The following CREB1 variants were observed in gnomAD, a reference collection of about 807,000 sequenced individuals.
CREB1 encodes cyclic AMP-responsive element-binding protein 1.
Under a neutral mutation model 42.0 loss-of-function variants are expected in CREB1, and 2 were observed. That is an observed-to-expected ratio of 0.05 (90% CI 0.02 to 0.15). CREB1 has a LOEUF of 0.15. Among genes scored for constraint, CREB1 ranks in the 10% least tolerant of loss-of-function variants. The pLI is 1.00. For synonymous variants in CREB1, 123 were observed against 139.9 expected (o/e 0.88, Z 0.85); for missense variants, 199 against 388.9 (o/e 0.51, Z 4.11).
At chr2:207,578,396 G>C (rs1230808794) in intron 7 of CREB1, among the ~76,000 whole-genome samples, 1 of 152,164 alleles carries the variant, frequency 6.6e-6, no homozygotes, top group Non-Finnish European at 1.5e-5. Context: ...GGTTTAAAAA[G>C]TTTGAAATTA....
intron 1 of CREB1, among the ~76,000 whole-genome samples, chr2:207,530,355 T>G (rs1279478539): frequency 6.7e-6 from 1 of 148,808 alleles, no homozygotes; most frequent in Non-Finnish European, 1.5e-5. Flanking sequence ...CGGCAGCGAC[T>G]CTGCCTGCAG....
At chr2:207,530,363 C>CA (rs1374390047) in intron 1 of CREB1, among the ~76,000 whole-genome samples, 1 of 149,404 alleles carries the variant, frequency 6.7e-6, no homozygotes, top group Admixed American at 6.6e-5. Flanking sequence ...ACTCTGCCTG[C>CA]AGCCAGCGGC....
At chr2:207,565,649 G>C (rs2082113751) in intron 3 of CREB1, among the ~76,000 whole-genome samples, 1 of 152,084 alleles carries the variant, frequency 6.6e-6, no homozygotes, top group Non-Finnish European at 1.5e-5. Context: ...ACTTGGAAGG[G>C]GGGTGTTCCC....
chr2:207,590,106 T>TA, intron 7 of CREB1, among the ~76,000 whole-genome samples: 1 of 144,808 alleles, frequency 6.9e-6, no homozygotes, highest in Non-Finnish European at 1.5e-5. Flanking sequence ...TTTTTTTTTT[T>TA]TAATAGATAC....
At chr2:207,551,434 T>C (rs1042523221) in intron 1 of CREB1, among the ~76,000 whole-genome samples, 1 of 152,216 alleles carries the variant, frequency 6.6e-6, no homozygotes, top group African/African-American at 2.4e-5. Flanking sequence ...ACGACAGTTA[T>C]GACCAGAGCA....
chr2:207,588,538 CTTG>C (rs1482732110), intron 7 of CREB1, among the ~76,000 whole-genome samples: 1 of 152,108 alleles, frequency 6.6e-6, no homozygotes, highest in Non-Finnish European at 1.5e-5. Flanking sequence ...TTATAATCCG[CTTG>C]TTGATGTCTA....
intron 3 of CREB1, among the ~76,000 whole-genome samples, chr2:207,561,846 T>C (rs1559284807): frequency 6.6e-6 from 1 of 152,212 alleles, no homozygotes; most frequent in Non-Finnish European, 1.5e-5. Flanking sequence ...TCAGCCATTT[T>C]ATACTATTGA....
intron 6 of CREB1, chr2:207,577,197 T>C (rs1399274674): frequency 3.6e-6 from 4 of 1,098,544 alleles, no homozygotes; most frequent in Non-Finnish European, 4.5e-6. Context: ...TCATCCAAGC[T>C]GTGCCCCACT....
intron 1 of CREB1, among the ~76,000 whole-genome samples, chr2:207,538,790 A>G (rs1178813214): frequency 6.6e-6 from 1 of 152,242 alleles, no homozygotes; most frequent in Non-Finnish European, 1.5e-5. Flanking sequence ...CTCTGAAATG[A>G]AGACGTTTCT....
rs1382140224 is a variant in CREB1, at chr2:207,602,714, A to G, written c.*5656A>G. Reference sequence around the variant, plus strand: ...ATGCTTTATAGATGTATTTTTATCCAAGTGCCACTCCAATTTGTGTATGTA... The same window carrying G: ...ATGCTTTATAGATGTATTTTTATCCGAGTGCCACTCCAATTTGTGTATGTA... On this transcript the variant is annotated 3_prime_UTR_variant, in exon 8 of 8. Coordinates refer to ENST00000353267, the MANE Select transcript of CREB1 (RefSeq NM_004379.5). 1 of 211,014 alleles carries G rather than the reference A, an allele frequency of 4.7e-6. No individual in the cohort carries two copies. Among genetic ancestry groups the G allele is most frequent in the African/African-American group, 2.3e-5 (1 of 44,108 alleles). 13.1% of individuals were successfully genotyped at this position (211,014 alleles called of 1,614,324 possible). A position where few individuals can be genotyped will look rare whatever the true frequency, so the allele number is the denominator to read the frequency against.
chr2:207,590,226 G>C (rs2084751049), intron 7 of CREB1, among the ~76,000 whole-genome samples: 1 of 151,098 alleles, frequency 6.6e-6, no homozygotes, highest in Non-Finnish European at 1.5e-5. Flanking sequence ...GTTGTTTGTA[G>C]TGTTAGTTTA....
intron 1 of CREB1, among the ~76,000 whole-genome samples, chr2:207,537,912 C>A (rs888520320): frequency 4.6e-5 from 7 of 151,980 alleles, no homozygotes; most frequent in Non-Finnish European, 1.0e-4. Context: ...TGGGTTTTTT[C>A]AGATTTTAGA....
intron 5 of CREB1, chr2:207,571,880 C>T (rs2082379941): frequency 5.8e-6 from 2 of 346,810 alleles, no homozygotes; most frequent in African/African-American, 2.2e-5. Context: ...ACCAGCACCC[C>T]CATAGATGTT....
chr2:207,565,535 A>G (rs1199544436), intron 3 of CREB1, among the ~76,000 whole-genome samples: 1 of 152,036 alleles, frequency 6.6e-6, no homozygotes, highest in East Asian at 1.9e-4. Context: ...GTTAGAAAAA[A>G]AAAGGACACA....
rs1055846622 is a variant in CREB1, at chr2:207,600,228, T to C, written c.*3170T>C. ...CTTGGGGGGGGTGGCATTTGTATAA[T>C]ATATGTGTACATATATATATATATA... On this transcript the variant is annotated 3_prime_UTR_variant, in exon 8 of 8. Transcript: ENST00000353267. 8.0e-6 allele frequency: 1 copy of C among 124,692 alleles called. No homozygotes were observed. Among genetic ancestry groups the C allele is most frequent in the Non-Finnish European group, 1.6e-5 (1 of 62,060 alleles). The allele number at this position is 124,692 out of a possible 1,614,324, so 7.7% of individuals were successfully genotyped here. A position where few individuals can be genotyped will look rare whatever the true frequency, so the allele number is the denominator to read the frequency against.
At chr2:207,569,736 T>C (rs2106538677) in intron 4 of CREB1, among the ~76,000 whole-genome samples, 1 of 152,184 alleles carries the variant, frequency 6.6e-6, no homozygotes, top group South Asian at 2.1e-4. Context: ...TTTATTCATG[T>C]AATTTATATA....
intron 7 of CREB1, among the ~76,000 whole-genome samples, chr2:207,585,833 C>G (rs1335720301): frequency 6.6e-6 from 1 of 152,026 alleles, no homozygotes; most frequent in Non-Finnish European, 1.5e-5. Flanking sequence ...ATAACCCAGT[C>G]AAACACACAC....
chr2:207,549,935 A>T (rs894575124), intron 1 of CREB1, among the ~76,000 whole-genome samples: 1 of 150,246 alleles, frequency 6.7e-6, no homozygotes, highest in African/African-American at 2.5e-5. Flanking sequence ...GTGCCACCAC[A>T]CTCCAGCCTG....
At chr2:207,586,106 A>G (rs2083786751) in intron 7 of CREB1, among the ~76,000 whole-genome samples, 1 of 152,196 alleles carries the variant, frequency 6.6e-6, no homozygotes, top group Non-Finnish European at 1.5e-5. Flanking sequence ...AAAAATTCTT[A>G]TGGAACCAAA....
Sources: gnomAD v4.1 joint callset for allele counts (sites outside exome capture counted in the v4.1 genomes callset) on GRCh38, gnomAD v4.1.1 for gene constraint, MANE v1.5 for transcripts, NCBI Gene and HGNC (gene_info 2026-07-23, HGNC 2026-07-21) for gene names.